NEIL2: variants seen among roughly 807,000 people sequenced by gnomAD.
The protein encoded by NEIL2 is endonuclease 8-like 2.
NEIL2 carries 23 observed loss-of-function variants against 22.2 expected under a neutral mutation model. That is an observed-to-expected ratio of 1.04 (90% CI 0.75 to 1.47). NEIL2 has a LOEUF of 1.47. Among genes scored for constraint, NEIL2 ranks in the 40% most tolerant of loss-of-function variants. The probability of loss-of-function intolerance (pLI) is 0.00; values close to 1 mark genes in which losing one functional copy is unlikely to be tolerated. For missense variants in NEIL2, 583 were observed against 404.7 expected, an observed-to-expected ratio of 1.44 and a Z score of -3.78; for synonymous variants, 229 against 164.8, an observed-to-expected ratio of 1.39 and a Z score of -2.99.
At chr8:11,785,126 C>T (rs966478429) in intron 4 of NEIL2, among the ~76,000 whole-genome samples, 4 of 152,282 alleles carry the variant, frequency 2.6e-5, no homozygotes, top group Admixed American at 1.3e-4. Context: ...CCTGCCTCTG[C>T]CTCCCAAAGT....
In NEIL2 at chr8:11,786,379, G is replaced by A; in HGVS notation, c.*106G>A. ...GGACGGGGTACAGAGGATAGTGTGG[G>A]TCAGAGGTGCCAGTAGTATAATATT... On this transcript the variant is annotated 3_prime_UTR_variant, in exon 5 of 5. Coordinates refer to ENST00000284503, the MANE Select transcript of NEIL2 (RefSeq NM_145043.4). 1 of 1,082,188 alleles carries A rather than the reference G, an allele frequency of 9.2e-7. No individual in the cohort carries two copies. Among genetic ancestry groups the A allele is most frequent in the Non-Finnish European group, 1.4e-6 (1 of 720,928 alleles). 67.0% of individuals were successfully genotyped at this position (1,082,188 alleles called of 1,614,324 possible). A position where few individuals can be genotyped will look rare whatever the true frequency, so the allele number is the denominator to read the frequency against.
chr8:11,783,250 G>A lies in NEIL2; in HGVS notation c.539G>A (p.Cys180Tyr). The A allele has an allele frequency of 6.2e-7, 1 of 1,614,212 alleles. No individual in the cohort carries two copies. Among genetic ancestry groups the A allele is most frequent in the South Asian group, 1.1e-5 (1 of 91,082 alleles). Residue 180 changes from cysteine (C) to tyrosine (Y), a missense_variant, in exon 4 of 5, where the codon TGT (cysteine) becomes TAT (tyrosine). Transcript: ENST00000284503. ...GGGGFLAFYN[C>Y]QLSWSSSPVV... Reference sequence around the variant, plus strand: ...GGTGGCTTCCTGGCATTTTATAATTGTCAGTTGTCTTGGAGCTCTTCCCCA... The same window carrying A: ...GGTGGCTTCCTGGCATTTTATAATTATCAGTTGTCTTGGAGCTCTTCCCCA...
intron 4 of NEIL2, 147 bp from the exon 5 acceptor site, chr8:11,785,812 TACAG>T: frequency 1.3e-6 from 1 of 768,714 alleles, no homozygotes; most frequent in Non-Finnish European, 2.3e-6. Context: ...AACTCCATTT[TACAG>T]ACAGAGAAAT....
Position 11,779,755 on chromosome 8 carries a change from A to T in NEIL2, c.296A>T (p.Asp99Val). 1 of 1,614,240 alleles carries T rather than the reference A, an allele frequency of 6.2e-7. No individual in the cohort carries two copies. The highest frequency in any genetic ancestry group is 1.1e-5 in the South Asian group (1 of 91,082). The change falls in exon 3 of 5, where the codon GAT becomes GTT. Residue 99 changes from aspartate to valine, a missense_variant. Physicochemically the swap from Asp to Val is radical, Grantham distance 152. Transcript: ENST00000284503. ...GAGCCCAGCGGGCAGAAGACCCTTG[A>T]TGGATCCTCACGGTCTGCAGAGCTC... Reference protein sequence around the residue: ...VGEPSGQKTLDGSSRSAELVP... With the variant: ...VGEPSGQKTLVGSSRSAELVP...
chr8:11,776,093 CTTGG>C (rs1803884333), intron 2 of NEIL2, among the ~76,000 whole-genome samples: 2 of 152,182 alleles, frequency 1.3e-5, no homozygotes, highest in Admixed American at 6.5e-5. Flanking sequence ...ATAACCAAGA[CTTGG>C]TAATTTATAA....
intron 3 of NEIL2, 65 bp from the exon 4 acceptor site, chr8:11,783,138 C>G (rs953887619): frequency 8.9e-5 from 129 of 1,443,390 alleles, no homozygotes; most frequent in Non-Finnish European, 1.1e-4. Flanking sequence ...ATGACCCAGC[C>G]ACAGGGTGTG....
chr8:11,771,036 G>GT, intron 1 of NEIL2, among the ~76,000 whole-genome samples: 1 of 152,296 alleles, frequency 6.6e-6, no homozygotes, highest in Middle Eastern at 3.4e-3. Context: ...CAGAATGGCT[G>GT]TTTTTTGAGA....
rs1024675117 is a variant in NEIL2, at chr8:11,773,255, C to T, written c.138+1670C>T. On this transcript the variant is annotated intron_variant, in intron 2 of 4. Coordinates refer to ENST00000284503, the MANE Select transcript of NEIL2 (RefSeq NM_145043.4). Reference sequence around the variant, plus strand: ...GTGGATGGGTGGGCAGATGGATGTGCGGTGAAGGAACCCGTAGACGGGACT... The same window carrying T: ...GTGGATGGGTGGGCAGATGGATGTGTGGTGAAGGAACCCGTAGACGGGACT... Among the ~76,000 whole-genome samples, 5 of 152,088 alleles carry T rather than the reference C, an allele frequency of 3.3e-5. No individual in the cohort carries two copies. The South Asian group carries it at 6.2e-4, about 19-fold the overall frequency.
In NEIL2 at chr8:11,779,823, G is replaced by C. The variant is rs781466360; in HGVS notation, c.364G>C (p.Ala122Pro). The change falls in exon 3 of 5, where the codon GCC becomes CCC. Residue 122 changes from alanine (A) to proline (P), a missense_variant. Transcript: ENST00000284503. ...EDDSEYLERD[A>P]PAGDAGRWLR... is the part of the protein sequence containing the mutation. ...TGATTCTGAGTATTTGGAGAGAGACGCCCCTGCAGGAGATGCTGGGAGGTG... is the reference window on the plus strand; with the variant it reads ...TGATTCTGAGTATTTGGAGAGAGACCCCCCTGCAGGAGATGCTGGGAGGTG... 1.7e-5 allele frequency: 27 copies of C among 1,614,142 alleles called. No homozygotes were observed. The South Asian group carries it at 2.9e-4, about 17-fold the overall frequency.
intron 2 of NEIL2, among the ~76,000 whole-genome samples, chr8:11,779,131 C>G (rs542651171): frequency 3.0e-4 from 46 of 152,094 alleles, no homozygotes; most frequent in African/African-American, 1.1e-3. Flanking sequence ...TTACAGTTTC[C>G]TTATCAAGTC....
At position 11,779,940 on chromosome 8, in the gene NEIL2, C is replaced by T. The variant is rs1804266455; in HGVS notation, c.481C>T (p.Pro161Ser). The T allele has an allele frequency of 1.2e-6, 2 of 1,613,472 alleles. No individual in the cohort carries two copies. Among genetic ancestry groups the T allele is most frequent in the Non-Finnish European group, 1.7e-6 (2 of 1,179,628 alleles). The change falls in exon 3 of 5, where the codon CCT becomes TCT. Residue 161 changes from proline to serine, a missense_variant. Coordinates refer to ENST00000284503, the MANE Select transcript of NEIL2 (RefSeq NM_145043.4). Reference sequence around the variant, plus strand: ...CAACAAGAGGGGGGACTGGAGGGACCCTTCCCCGAGGTAATGGTGTGGCCA... The same window carrying T: ...CAACAAGAGGGGGGACTGGAGGGACTCTTCCCCGAGGTAATGGTGTGGCCA... ...KANKRGDWRD[P>S]SPRLVLHFGG... is the part of the protein sequence containing the mutation.
At chr8:11,776,972 AC>A (rs1336704652) in intron 2 of NEIL2, among the ~76,000 whole-genome samples, 2 of 152,076 alleles carry the variant, frequency 1.3e-5, no homozygotes, top group African/African-American at 4.8e-5. Flanking sequence ...GCTGTGTCTG[AC>A]CAGGAGCCCC....
At chr8:11,771,060 G>A (rs1029596207) in intron 1 of NEIL2, among the ~76,000 whole-genome samples, 2 of 152,152 alleles carry the variant, frequency 1.3e-5, no homozygotes, top group South Asian at 2.1e-4. Context: ...GGAGCAGGGG[G>A]ACAGAGAAAG....
intron 2 of NEIL2, among the ~76,000 whole-genome samples, chr8:11,777,163 T>C (rs1255727140): frequency 2.2e-5 from 2 of 89,582 alleles, no homozygotes; most frequent in East Asian, 2.0e-4. Flanking sequence ...TTTTCTTTTC[T>C]TTTTTTTTTG....
chr8:11,786,371 T>C lies in NEIL2; in HGVS notation c.*98T>C, dbSNP rs986508653. ...GTGGGCAGGGACGGGGTACAGAGGA[T>C]AGTGTGGGTCAGAGGTGCCAGTAGT... is the stretch of plus-strand genomic sequence containing the variant. On this transcript the variant is annotated 3_prime_UTR_variant, in exon 5 of 5. Coordinates refer to ENST00000284503, the MANE Select transcript of NEIL2 (RefSeq NM_145043.4). The C allele has an allele frequency of 6.5e-6, 8 of 1,224,462 alleles. No individual in the cohort carries two copies. Among genetic ancestry groups the C allele is most frequent in the Non-Finnish European group, 9.4e-6 (8 of 850,168 alleles). 75.8% of individuals were successfully genotyped at this position (1,224,462 alleles called of 1,614,324 possible).
At position 11,786,146 on chromosome 8, in the gene NEIL2, G is replaced by A. The variant is rs757830126; in HGVS notation, c.872G>A (p.Cys291Tyr). Residue 291 changes from cysteine to tyrosine, a missense_variant, in exon 5 of 5, where the codon TGC (cysteine) becomes TAC (tyrosine). By Grantham distance (194) the Cys-to-Tyr change is radical. Transcript: ENST00000284503. Reference protein sequence around the residue: ...QHTQVYQKEQCPAGHQVMKEA... With the variant: ...QHTQVYQKEQYPAGHQVMKEA... Reference sequence around the variant, plus strand: ...ACACAGGTCTACCAGAAAGAACAGTGCCCTGCTGGCCACCAGGTCATGAAG... The same window carrying A: ...ACACAGGTCTACCAGAAAGAACAGTACCCTGCTGGCCACCAGGTCATGAAG... 8 of 1,614,026 alleles carry A rather than the reference G, an allele frequency of 5.0e-6. No individual in the cohort carries two copies. Among genetic ancestry groups the A allele is most frequent in the Non-Finnish European group, 6.8e-6 (8 of 1,180,012 alleles).
chr8:11,773,057 G>A (rs188337337), intron 2 of NEIL2, among the ~76,000 whole-genome samples: 3 of 152,172 alleles, frequency 2.0e-5, no homozygotes, highest in African/African-American at 7.2e-5. Context: ...CCAAGCTCAG[G>A]TGGCTGGCAA....
chr8:11,774,480 C>G (rs957277872), intron 2 of NEIL2, among the ~76,000 whole-genome samples: 17 of 152,296 alleles, frequency 1.1e-4, no homozygotes, highest in African/African-American at 4.1e-4. Context: ...CCCACCAGGT[C>G]CGTCCCATAA....
chr8:11,771,420 C>T, intron 1 of NEIL2, 26 bp from the exon 2 acceptor site: 2 of 1,612,812 alleles, frequency 1.2e-6, no homozygotes, highest in South Asian at 2.2e-5. Context: ...AAGTCGGTGG[C>T]CTCTTTTGCC....
Sources: gnomAD v4.1 joint callset for allele counts (sites outside exome capture counted in the v4.1 genomes callset) on GRCh38, gnomAD v4.1.1 for gene constraint, MANE v1.5 for transcripts, NCBI Gene and HGNC (gene_info 2026-07-23, HGNC 2026-07-21) for gene names.